Variants in PAXBP1 observed in about 807,000 individuals in gnomAD.
The protein encoded by PAXBP1 is PAX3- and PAX7-binding protein 1.
Under a neutral mutation model 119.9 loss-of-function variants are expected in PAXBP1, and 44 were observed. The ratio of observed to expected loss-of-function variants is 0.37; its 90% CI spans 0.29 to 0.47. The LOEUF (loss-of-function observed/expected upper bound fraction) is 0.47, where lower values mean the gene tolerates loss of function less well. Among genes scored for constraint, PAXBP1 ranks in the 20% least tolerant of loss-of-function variants. The pLI is 0.99. For synonymous variants in PAXBP1, 393 were observed against 406.6 expected, an observed-to-expected ratio of 0.97 and a Z score of 0.40; for missense variants, 898 against 1,134.1, an observed-to-expected ratio of 0.79 and a Z score of 2.99.
At chr21:32,744,625 A>C (rs544804312) in intron 13 of PAXBP1, among the ~76,000 whole-genome samples, 167 bp downstream of exon 13, 6 of 152,080 alleles carry the variant, frequency 3.9e-5, no homozygotes, top group South Asian at 2.1e-4. Context: ...GAAAAAAAAA[A>C]CCTAACATCT....
Position 32,771,591 on chromosome 21 carries a change from C to CTCCTCATCGCGTTCCCGCTCT in PAXBP1, c.57_77dup (p.Glu20_Glu26dup). ...GCGGCAACAACGGCGGCGGCTCCTG[C>CTCCTCATCGCGTTCCCGCTCT]TCCTCATCGCGTTCCCGCTCTTCCT... On this transcript the variant is annotated inframe_insertion, in exon 1 of 18. Coordinates refer to ENST00000331923, the MANE Select transcript of PAXBP1 (RefSeq NM_016631.4). 6.8e-7 allele frequency: 1 copy of CTCCTCATCGCGTTCCCGCTCT among 1,462,236 alleles called. No homozygotes were observed. Among genetic ancestry groups the CTCCTCATCGCGTTCCCGCTCT allele is most frequent in the Non-Finnish European group, 9.0e-7 (1 of 1,112,372 alleles). 90.6% of individuals were successfully genotyped at this position (1,462,236 alleles called of 1,614,324 possible). A position where few individuals can be genotyped will look rare whatever the true frequency, so the allele number is the denominator to read the frequency against.
At chr21:32,741,022 G>C (rs1812815436) in intron 15 of PAXBP1, among the ~76,000 whole-genome samples, 1 of 152,168 alleles carries the variant, frequency 6.6e-6, no homozygotes, top group African/African-American at 2.4e-5. Context: ...AAACCACAAT[G>C]AGATACCACA....
At chr21:32,759,716 C>T in intron 6 of PAXBP1, 61 bp downstream of exon 6, 1 of 1,394,630 alleles carries the variant, frequency 7.2e-7, no homozygotes. Flanking sequence ...CCCCAGACTA[C>T]ATGTTGCCTG....
chr21:32,758,816 C>A (rs1051261105), intron 7 of PAXBP1, among the ~76,000 whole-genome samples: 15 of 152,020 alleles, frequency 9.9e-5, no homozygotes, highest in African/African-American at 3.6e-4. Flanking sequence ...TAATCTACCA[C>A]CATATTGAAA....
intron 15 of PAXBP1, among the ~76,000 whole-genome samples, chr21:32,741,102 CCAGG>C (rs1318971192): frequency 6.6e-6 from 1 of 152,154 alleles, no homozygotes; most frequent in Non-Finnish European, 1.5e-5. Context: ...TAAGGAATAA[CCAGG>C]ACAGTAATAG....
At chr21:32,766,508 G>C (rs73196262) in intron 2 of PAXBP1, among the ~76,000 whole-genome samples, 2 of 152,142 alleles carry the variant, frequency 1.3e-5, no homozygotes, top group Non-Finnish European at 2.9e-5. Context: ...TCTACAAAGA[G>C]GGACAGGCTT....
chr21:32,760,902 C>CGTGCGTGCGT (rs1491165069), intron 5 of PAXBP1, among the ~76,000 whole-genome samples, 157 bp downstream of exon 5: 219 of 127,782 alleles, frequency 1.7e-3, no homozygotes, highest in Admixed American at 3.6e-3. Context: ...TGCGTGCGTG[C>CGTGCGTGCGT]GTGTGTGTGT....
At chr21:32,765,080 T>C (rs542052743) in intron 2 of PAXBP1, among the ~76,000 whole-genome samples, 3 of 152,300 alleles carry the variant, frequency 2.0e-5, no homozygotes, top group African/African-American at 7.2e-5. Flanking sequence ...AGCAGTCACA[T>C]TTACACTGTG....
At chr21:32,769,768 C>T (rs2044303260) in intron 2 of PAXBP1, 46 bp downstream of exon 2, 1 of 1,584,440 alleles carries the variant, frequency 6.3e-7, no homozygotes, top group Admixed American at 1.9e-5. Flanking sequence ...TGAGAAAGAG[C>T]TTTCATTTTG....
intron 12 of PAXBP1, 123 bp downstream of exon 12, chr21:32,745,451 G>T: frequency 7.3e-7 from 1 of 1,370,044 alleles, no homozygotes; most frequent in Non-Finnish European, 1.0e-6. Flanking sequence ...TCTGGGCCAG[G>T]TGGTAACTAT....
intron 8 of PAXBP1, among the ~76,000 whole-genome samples, chr21:32,753,445 A>AC (rs1215396070): frequency 2.0e-5 from 3 of 152,034 alleles, no homozygotes; most frequent in South Asian, 2.1e-4. Flanking sequence ...AAAAAAAAAA[A>AC]AACATTATAC....
At chr21:32,749,761 C>T (rs888983727) in intron 10 of PAXBP1, among the ~76,000 whole-genome samples, 1 of 151,874 alleles carries the variant, frequency 6.6e-6, no homozygotes, top group African/African-American at 2.4e-5. Flanking sequence ...GATCAAAGAA[C>T]AAGTTAAACA....
At chr21:32,767,148 A>G (rs2044255247) in intron 2 of PAXBP1, among the ~76,000 whole-genome samples, 1 of 152,196 alleles carries the variant, frequency 6.6e-6, no homozygotes, top group Non-Finnish European at 1.5e-5. Context: ...ACTTCCACTC[A>G]AATTCAAATT....
chr21:32,747,095 G>A (rs943560036), intron 11 of PAXBP1, among the ~76,000 whole-genome samples: 3 of 148,686 alleles, frequency 2.0e-5, no homozygotes, highest in African/African-American at 7.4e-5. Flanking sequence ...GTGGGGGTGG[G>A]GACTTGGGGG....
chr21:32,749,612 G>T (rs1259296580), intron 10 of PAXBP1, among the ~76,000 whole-genome samples: 1 of 152,030 alleles, frequency 6.6e-6, no homozygotes, highest in South Asian at 2.1e-4. Context: ...CTAATAGTGG[G>T]GACAGTCTAA....
chr21:32,771,480 C>T lies in PAXBP1; in HGVS notation c.189G>A (p.Pro63=). The stretch of plus-strand genomic sequence containing the variant: ...CGAGGCCCGGGGTCAGCGCGGAAGG[C>T]GGCGACGGCCCCGGGCCCAGCAGCG... ...GESLLGPGPS[P]PSALTPGLGA... The change falls in exon 1 of 18, where the codon CCG becomes CCA. Residue 63 remains proline (P), a synonymous_variant. Transcript: ENST00000331923. The T allele has an allele frequency of 7.5e-7, 1 of 1,327,378 alleles. No individual in the cohort carries two copies. The highest frequency in any genetic ancestry group is 4.2e-5 in the Admixed American group (1 of 24,054). The allele number at this position is 1,327,378 out of a possible 1,614,324, so 82.2% of individuals were successfully genotyped here.
intron 2 of PAXBP1, among the ~76,000 whole-genome samples, chr21:32,768,786 G>A (rs1006554361): frequency 3.9e-5 from 6 of 152,206 alleles, no homozygotes; most frequent in East Asian, 1.9e-4. Context: ...ATCTGTCAAC[G>A]TATCTTTCAC....
intron 15 of PAXBP1, among the ~76,000 whole-genome samples, chr21:32,740,026 A>C (rs1397902714): frequency 6.6e-6 from 1 of 151,856 alleles, no homozygotes; most frequent in African/African-American, 2.4e-5. Flanking sequence ...CTGGTTTTCA[A>C]CAAAGGCACA....
chr21:32,765,777 C>T (rs1480498269), intron 2 of PAXBP1, among the ~76,000 whole-genome samples: 1 of 151,570 alleles, frequency 6.6e-6, no homozygotes, highest in Non-Finnish European at 1.5e-5. Context: ...GATTATGAAG[C>T]TATAAGGTTT....
Sources: gnomAD v4.1 joint callset for allele counts (sites outside exome capture counted in the v4.1 genomes callset) on GRCh38, gnomAD v4.1.1 for gene constraint, MANE v1.5 for transcripts, NCBI Gene and HGNC (gene_info 2026-07-23, HGNC 2026-07-21) for gene names.